PRKCQ: variants seen among roughly 807,000 people sequenced by gnomAD.
The protein encoded by PRKCQ is protein kinase C theta, also known as protein kinase C theta type.
PRKCQ carries 41 observed loss-of-function variants against 91.2 expected under a neutral mutation model. That is an observed-to-expected ratio of 0.45 (90% confidence interval 0.35 to 0.58). The LOEUF is 0.58. Ranked by LOEUF, PRKCQ falls within the 20% of genes least tolerant of loss-of-function variation. The pLI, the probability that PRKCQ is intolerant of heterozygous loss-of-function variation, is 0.00. For synonymous variants in PRKCQ, 307 were observed against 316.9 expected (o/e 0.97, Z 0.33); for missense variants, 673 against 896.5 (o/e 0.75, Z 3.18).
chr10:6,575,235 A>C (rs1438840311), intron 1 of PRKCQ, among the ~76,000 whole-genome samples: 1 of 152,222 alleles, frequency 6.6e-6, no homozygotes, highest in East Asian at 1.9e-4. Context: ...GTTTTGCAGC[A>C]CGGTGTGTGA....
Position 6,479,066 on chromosome 10 carries a change from C to T in PRKCQ, c.1279G>A (p.Val427Ile), listed in dbSNP as rs1284795984. The T allele has an allele frequency of 6.2e-7, 1 of 1,614,090 alleles. No homozygotes were observed. The highest frequency in any genetic ancestry group is 8.5e-7 in the Non-Finnish European group (1 of 1,180,040). Residue 427 changes from valine (V) to isoleucine (I), a missense_variant, in exon 12 of 18, where the codon GTA becomes ATA. Val to Ile is a conservative substitution (Grantham distance 29). Coordinates refer to ENST00000263125, the MANE Select transcript of PRKCQ (RefSeq NM_006257.5). ...GCCAAGGAAAGAACTCTCTTCTCTA[C>T]CATCGTGCACTCAACATCATCGTCC... The part of the protein sequence containing the change: ...LMDDDVECTM[V>I]EKRVLSLAWE...
chr10:6,579,655 T>C (rs868548160), intron 1 of PRKCQ, among the ~76,000 whole-genome samples: 6 of 150,304 alleles, frequency 4.0e-5, no homozygotes, highest in African/African-American at 1.5e-4. Context: ...TTTTCTTTTT[T>C]TTTTTTTTTT....
chr10:6,484,920 T>C (rs567928080), intron 10 of PRKCQ, among the ~76,000 whole-genome samples: 6 of 152,130 alleles, frequency 3.9e-5, no homozygotes, highest in African/African-American at 1.4e-4. Flanking sequence ...TAAGAAAACA[T>C]TTGTGGTTGT....
At chr10:6,471,232 A>G (rs1835945997) in intron 12 of PRKCQ, among the ~76,000 whole-genome samples, 1 of 148,416 alleles carries the variant, frequency 6.7e-6, no homozygotes, top group South Asian at 2.1e-4. Context: ...AGAGCGAAAC[A>G]TGCATCTTGG....
At chr10:6,568,225 A>AAAAAACAAAACAAAAC (rs1188329860) in intron 1 of PRKCQ, among the ~76,000 whole-genome samples, 4 of 152,196 alleles carry the variant, frequency 2.6e-5, no homozygotes, top group Non-Finnish European at 4.4e-5. Flanking sequence ...CCAAAAAAGA[A>AAAAAACAAAACAAAAC]AAAAACAAAA....
At chr10:6,469,119 C>A (rs565104461) in intron 12 of PRKCQ, among the ~76,000 whole-genome samples, 22 of 152,286 alleles carry the variant, frequency 1.4e-4, no homozygotes, top group Middle Eastern at 3.4e-3. Context: ...CCAACCTTTG[C>A]AAGATTTGGA....
intron 12 of PRKCQ, among the ~76,000 whole-genome samples, chr10:6,475,809 A>G (rs1836236845): frequency 6.6e-6 from 1 of 152,234 alleles, no homozygotes; most frequent in South Asian, 2.1e-4. Flanking sequence ...TAATTAAGAC[A>G]TCTCAAAAAC....
rs192339022 is a variant in PRKCQ at position 6,440,477 on chromosome 10, C to T, written c.1836+1416G>A. On this transcript the variant is annotated intron_variant, in intron 16 of 17. Transcript: ENST00000263125. ...CCTCCAGTTCAGGGGTAGGAGGCTGCCAGCCGAATAAGAACTGTTTTTTTC... is the reference window on the plus strand; with the variant it reads ...CCTCCAGTTCAGGGGTAGGAGGCTGTCAGCCGAATAAGAACTGTTTTTTTC... Among the ~76,000 whole-genome samples, 20 of 152,284 alleles carry T rather than the reference C, an allele frequency of 1.3e-4. No homozygotes were observed. The East Asian group carries it at 3.7e-3, about 28-fold the overall frequency.
chr10:6,570,529 C>A (rs75212365), intron 1 of PRKCQ, among the ~76,000 whole-genome samples: 1,644 of 150,892 alleles, frequency 0.011, 37 homozygotes, highest in African/African-American at 0.038. Flanking sequence ...GGGAGGTGAG[C>A]CTCAGACAGG....
At chr10:6,507,126 C>G (rs780267336) in intron 4 of PRKCQ, among the ~76,000 whole-genome samples, 3 of 152,192 alleles carry the variant, frequency 2.0e-5, no homozygotes, top group Non-Finnish European at 4.4e-5. Flanking sequence ...CACATAACCA[C>G]ACATCAACAG....
chr10:6,515,309 T>C (rs1838705860), intron 1 of PRKCQ, 165 bp from the exon 2 acceptor site: 2 of 1,507,558 alleles, frequency 1.3e-6, no homozygotes, highest in Non-Finnish European at 1.8e-6. Flanking sequence ...CAGAGGACAC[T>C]GCTGGACTCA....
chr10:6,445,851 T>C (rs1834256622), intron 15 of PRKCQ, among the ~76,000 whole-genome samples: 2 of 152,238 alleles, frequency 1.3e-5, no homozygotes, highest in Admixed American at 1.3e-4. Context: ...ACACATGCAA[T>C]TTCCGAGACT....
Position 6,486,053 on chromosome 10 carries a change from C to G in PRKCQ, c.882G>C (p.Met294Ile). 1 of 1,614,010 alleles carries G rather than the reference C, an allele frequency of 6.2e-7. No homozygotes were observed. The highest frequency in any genetic ancestry group is 8.5e-7 in the Non-Finnish European group (1 of 1,180,022). ...CTCCTACCTGTTGAGTGCTCTCAATCATGGCCAGCGCTTCAGCCATTAGCT... is the reference window on the plus strand; with the variant it reads ...CTCCTACCTGTTGAGTGCTCTCAATGATGGCCAGCGCTTCAGCCATTAGCT... ...NQKLMAEALAMIESTQQARCL... is the reference protein window; with the variant it reads ...NQKLMAEALAIIESTQQARCL... The change falls in exon 9 of 18, where the codon ATG becomes ATC. Residue 294 changes from methionine (M) to isoleucine (I), a missense_variant. Transcript: ENST00000263125.
At chr10:6,423,664 T>A (rs192722278), downstream of PRKCQ, among the ~76,000 whole-genome samples, 263 of 152,270 alleles carry the variant, frequency 1.7e-3, 6 homozygotes, top group Admixed American at 0.016. Context: ...CACACTGCGG[T>A]GGCAGGACGA....
At chr10:6,439,757 T>C (rs1833874789) in intron 16 of PRKCQ, among the ~76,000 whole-genome samples, 3 of 152,246 alleles carry the variant, frequency 2.0e-5, no homozygotes, top group Admixed American at 2.0e-4. Flanking sequence ...AACACATGTG[T>C]TAATTGACTT....
chr10:6,542,169 A>G (rs774204501), intron 1 of PRKCQ, among the ~76,000 whole-genome samples: 3 of 152,196 alleles, frequency 2.0e-5, no homozygotes, highest in Non-Finnish European at 4.4e-5. Context: ...ACATGGGGAA[A>G]CTGCTTACCC....
At chr10:6,530,421 C>G (rs1247207657) in intron 1 of PRKCQ, among the ~76,000 whole-genome samples, 1 of 152,212 alleles carries the variant, frequency 6.6e-6, no homozygotes, top group Non-Finnish European at 1.5e-5. Context: ...TTGGTAGTAT[C>G]AATACAGCAA....
At chr10:6,501,186 G>C (rs958753233) in intron 4 of PRKCQ, among the ~76,000 whole-genome samples, 1 of 151,754 alleles carries the variant, frequency 6.6e-6, no homozygotes, top group Non-Finnish European at 1.5e-5. Flanking sequence ...TCTAAGAATA[G>C]AAGTAGAAGG....
At chr10:6,553,513 A>C (rs1397256909) in intron 1 of PRKCQ, among the ~76,000 whole-genome samples, 1 of 87,728 alleles carries the variant, frequency 1.1e-5, no homozygotes, top group African/African-American at 4.8e-5. Context: ...AAAAAAAAAA[A>C]AAAACAAACA....
Sources: allele counts gnomAD v4.1 joint callset (sites outside exome capture counted in the v4.1 genomes callset), GRCh38; gene constraint gnomAD v4.1.1; transcripts MANE v1.5; gene names NCBI Gene and HGNC (gene_info 2026-07-23, HGNC 2026-07-21).